Variants in PDE1A observed in about 807,000 individuals in gnomAD.
The protein encoded by PDE1A is dual specificity calcium/calmodulin-dependent 3',5'-cyclic nucleotide phosphodiesterase 1A.
Under a neutral mutation model 61.7 loss-of-function variants are expected in PDE1A, and 35 were observed. The observed-to-expected ratio is 0.57, with a 90% confidence interval of 0.43 to 0.75. The LOEUF (loss-of-function observed/expected upper bound fraction) is 0.75. Among genes scored for constraint, PDE1A ranks in the 30% least tolerant of loss-of-function variants. The probability of loss-of-function intolerance (pLI) is 0.00; values close to 1 mark genes in which losing one functional copy is unlikely to be tolerated. For synonymous variants in PDE1A, 232 were observed against 213.2 expected (o/e 1.09, Z -0.77); for missense variants, 597 against 630.6 (o/e 0.95, Z 0.57).
At chr2:182,357,547 C>G (rs1280516524) in intron 1 of PDE1A, among the ~76,000 whole-genome samples, 1 of 152,078 alleles carries the variant, frequency 6.6e-6, no homozygotes, top group Non-Finnish European at 1.5e-5. Context: ...ATTTTACTGC[C>G]AACAGATTTT....
intron 1 of PDE1A, among the ~76,000 whole-genome samples, chr2:182,397,369 C>T (rs1246747613): frequency 1.3e-5 from 2 of 152,022 alleles, no homozygotes; most frequent in Non-Finnish European, 2.9e-5. Flanking sequence ...TCATGATTGC[C>T]ATATCCCCAA....
At chr2:182,222,103 T>C (rs183102331) in intron 7 of PDE1A, among the ~76,000 whole-genome samples, 16 of 152,176 alleles carry the variant, frequency 1.1e-4, no homozygotes, top group Non-Finnish European at 2.1e-4. Flanking sequence ...TGTATGCTTA[T>C]ATCAGTATTA....
chr2:182,506,390 A>T (rs954699061), intron 2 of PDE1A, among the ~76,000 whole-genome samples: 1 of 152,324 alleles, frequency 6.6e-6, no homozygotes, highest in South Asian at 2.1e-4. Context: ...ACTCCTTAAA[A>T]ATTTTAAAGG....
chr2:182,444,072 T>C (rs974565663), intron 2 of PDE1A, among the ~76,000 whole-genome samples: 2 of 152,152 alleles, frequency 1.3e-5, no homozygotes, highest in Non-Finnish European at 2.9e-5. Context: ...CAGCCTAATA[T>C]AGGCTAGGTC....
intron 6 of PDE1A, among the ~76,000 whole-genome samples, chr2:182,225,176 T>C (rs1689045037): frequency 6.6e-6 from 1 of 151,872 alleles, no homozygotes; most frequent in South Asian, 2.1e-4. Context: ...GAATTTCAAA[T>C]AGAAAGAGCA....
At chr2:182,548,262 T>C in the PDE1A span, among the ~76,000 whole-genome samples, 1 of 152,216 alleles carries the variant, frequency 6.6e-6, no homozygotes, top group Non-Finnish European at 1.5e-5. Flanking sequence ...CAGCTGGTTT[T>C]GCCTTTTTTC....
At chr2:182,686,246 T>C in the PDE1A span, among the ~76,000 whole-genome samples, 1 of 152,204 alleles carries the variant, frequency 6.6e-6, no homozygotes, top group African/African-American at 2.4e-5. Context: ...TCTTCTTTAA[T>C]CTGCTATGGT....
chr2:182,496,066 C>T (rs139304814), intron 2 of PDE1A, among the ~76,000 whole-genome samples: 2 of 152,200 alleles, frequency 1.3e-5, no homozygotes, highest in African/African-American at 4.8e-5. Context: ...ATAATGTACC[C>T]CCAATTAATA....
the PDE1A span, among the ~76,000 whole-genome samples, chr2:182,538,016 G>A: frequency 1.3e-5 from 2 of 152,020 alleles, no homozygotes; most frequent in African/African-American, 2.4e-5. Context: ...TTCTTCCCCT[G>A]CACTCTCTTT....
chr2:182,211,511 TC>T (rs1420750075), intron 7 of PDE1A, among the ~76,000 whole-genome samples: 1 of 152,188 alleles, frequency 6.6e-6, no homozygotes, highest in African/African-American at 2.4e-5. Flanking sequence ...GTCTTTTGCC[TC>T]TCCATACAAA....
the PDE1A span, among the ~76,000 whole-genome samples, chr2:182,695,666 C>CAAA: frequency 6.1e-5 from 2 of 32,870 alleles, no homozygotes; most frequent in Non-Finnish European, 1.2e-4. Flanking sequence ...GGCCCTCTCT[C>CAAA]AAAAAAAAAA....
At chr2:182,422,709 A>G (rs1449292641) in intron 1 of PDE1A, among the ~76,000 whole-genome samples, 1 of 152,198 alleles carries the variant, frequency 6.6e-6, no homozygotes, top group Non-Finnish European at 1.5e-5. Context: ...GAATATAGTC[A>G]TATAAAGAGA....
intron 2 of PDE1A, among the ~76,000 whole-genome samples, chr2:182,486,699 C>A (rs1688045112): frequency 6.6e-6 from 1 of 152,050 alleles, no homozygotes; most frequent in African/African-American, 2.4e-5. Flanking sequence ...ATCTTTTCAA[C>A]AAATGTTTCC....
At chr2:182,186,739 T>A in intron 11 of PDE1A, 151 bp from the exon 12 acceptor site, 1 of 694,786 alleles carries the variant, frequency 1.4e-6, no homozygotes, top group Non-Finnish European at 2.4e-6. Flanking sequence ...TGTATTGTTT[T>A]AATCTAATAA....
At chr2:182,324,532 T>C (rs1424287020) in intron 1 of PDE1A, among the ~76,000 whole-genome samples, 1 of 152,142 alleles carries the variant, frequency 6.6e-6, no homozygotes, top group Non-Finnish European at 1.5e-5. Context: ...CTATGTAATC[T>C]TAAATATTTA....
Position 182,379,298 on chromosome 2 carries a change from G to C in PDE1A, c.53+47280C>G, listed in dbSNP as rs574010975. 1.1e-4 allele frequency among the ~76,000 whole-genome samples: 17 copies of C among 152,322 alleles called. 1 individual carries two copies. In the South Asian group the frequency reaches 3.3e-3, roughly 30 times the overall value. On this transcript the variant is annotated intron_variant, in intron 1 of 13. Transcript: ENST00000351439. Reference sequence around the variant, plus strand: ...AAAAGTCCTGCAATGTTAAAAGCCAGATATTAGATGCAATTCCTTCTCACT... The same window carrying C: ...AAAAGTCCTGCAATGTTAAAAGCCACATATTAGATGCAATTCCTTCTCACT...
chr2:182,284,004 A>C lies in PDE1A; in HGVS notation c.54-19590T>G, dbSNP rs539007840. The stretch of plus-strand genomic sequence containing the variant: ...TAAAAGTTATAACAATCAAGTACAT[A>C]CCTTCTTTTTCTCTGGGATACAACT... On this transcript the variant is annotated intron_variant, in intron 1 of 13. Coordinates refer to ENST00000351439, the Ensembl canonical transcript of PDE1A. Among the ~76,000 whole-genome samples, 247 of 152,172 alleles carry C rather than the reference A, an allele frequency of 1.6e-3. 1 individual carries two copies. The highest frequency in any genetic ancestry group is 5.7e-3 in the African/African-American group (237 of 41,538).
the PDE1A span, among the ~76,000 whole-genome samples, chr2:182,580,865 T>G: frequency 6.6e-6 from 1 of 152,126 alleles, no homozygotes. Flanking sequence ...AAGTAATTTT[T>G]GTCCCTTTTT....
the PDE1A span, among the ~76,000 whole-genome samples, chr2:182,692,662 G>C: frequency 1.4e-5 from 2 of 147,800 alleles, no homozygotes; most frequent in African/African-American, 2.5e-5. Context: ...AGAACTTAAA[G>C]TATAATAAAA....
Sources: allele counts gnomAD v4.1 joint callset (sites outside exome capture counted in the v4.1 genomes callset), GRCh38; gene constraint gnomAD v4.1.1; transcripts MANE v1.5; gene names NCBI Gene and HGNC (gene_info 2026-07-23, HGNC 2026-07-21).